Variants in HRC observed in about 807,000 individuals in gnomAD.
The protein encoded by HRC is histidine rich calcium binding protein.
Under a neutral mutation model 61.4 loss-of-function variants are expected in HRC, and 41 were observed. The ratio of observed to expected loss-of-function variants is 0.67; its 90% CI spans 0.52 to 0.87. The LOEUF is 0.87. HRC is among the 40% of genes least tolerant of loss of function. The pLI is 0.00. For synonymous variants in HRC, 308 were observed against 326.6 expected, an observed-to-expected ratio of 0.94 and a Z score of 0.62; for missense variants, 839 against 885.8, an observed-to-expected ratio of 0.95 and a Z score of 0.67.
rs778800866 is a variant in HRC, at chr19:49,154,880, C to T, written c.358G>A (p.Gly120Ser). The T allele has an allele frequency of 1.2e-6, 2 of 1,614,220 alleles. No homozygotes were observed. The highest frequency in any genetic ancestry group is 2.2e-5 in the South Asian group (2 of 91,078). The change falls in exon 1 of 6, where the codon GGT (glycine) becomes AGT (serine). Residue 120 changes from glycine to serine, a missense_variant. Transcript: ENST00000252825. ...DHKVGDEGVS[G>S]EEVFAEHGGQ... ...CCATGCTCTGCAAAGACCTCCTCAC[C>T]TGAGACACCCTCATCTCCGACTTTG... is the stretch of plus-strand genomic sequence containing the variant.
intron 2 of HRC, among the ~76,000 whole-genome samples, chr19:49,152,903 A>C (rs1177377913): frequency 2.0e-5 from 3 of 151,732 alleles, no homozygotes; most frequent in African/African-American, 7.3e-5. Flanking sequence ...GGGCGACCCC[A>C]TGTCTCCCTG....
Position 49,152,009 on chromosome 19 carries a change from G to C in HRC, c.2021C>G (p.Ala674Gly), listed in dbSNP as rs750740175. 1 of 1,614,184 alleles carries C rather than the reference G, an allele frequency of 6.2e-7. No homozygotes were observed. Residue 674 changes from alanine (A) to glycine (G), a missense_variant, in exon 4 of 6, where the codon GCT becomes GGT. Physicochemically the swap from Ala to Gly is moderately conservative, Grantham distance 60. Coordinates refer to ENST00000252825, the MANE Select transcript of HRC (RefSeq NM_002152.3). ...AGGGCCCCGCCCATGCTCACCTGGA[G>C]CGCAGACCGTTTCGCAGACCAGCGG... ...LCPLVCETVC[A>G]PGSYVDYFSS...
At chr19:49,152,124 C>A in intron 3 of HRC, 66 bp from the exon 4 acceptor site, 2 of 1,458,768 alleles carry the variant, frequency 1.4e-6, no homozygotes, top group South Asian at 1.1e-5. Context: ...TAGGATGGGG[C>A]CGGGACCAGA....
intron 4 of HRC, 31 bp from the exon 5 acceptor site, chr19:49,151,584 G>A (rs778001369): frequency 5.6e-6 from 9 of 1,611,316 alleles, no homozygotes; most frequent in African/African-American, 1.3e-5. Flanking sequence ...GAGGCTTGAG[G>A]GGTACTGCAC....
In HRC at chr19:49,153,822, C is replaced by T; in HGVS notation, c.1416G>A (p.Lys472=). Residue 472 remains lysine, a synonymous_variant, in exon 1 of 6, where the codon AAG becomes AAA. Transcript: ENST00000252825. This position sits in a 1 kb window ranked among gnomAD's most constrained non-coding sequence, Gnocchi z 4.8. The part of the protein sequence containing the change: ...SHHPPGHTVV[K]DRSHLRKDDS... The stretch of plus-strand genomic sequence containing the variant: ...CATCCTTCCTCAAATGGCTTCTATC[C>T]TTGACCACTGTGTGTCCTGGGGGGT... 1 of 1,614,134 alleles carries T rather than the reference C, an allele frequency of 6.2e-7. No homozygotes were observed. The highest frequency in any genetic ancestry group is 8.5e-7 in the Non-Finnish European group (1 of 1,180,032).
intron 3 of HRC, 75 bp from the exon 4 acceptor site, chr19:49,152,133 G>C (rs550246549): frequency 3.2e-5 from 45 of 1,406,440 alleles, no homozygotes; most frequent in Non-Finnish European, 4.1e-5. Flanking sequence ...GCCGGGACCA[G>C]ACCCGGACCA....
chr19:49,152,453 G>A (rs1217301791), intron 2 of HRC, 75 bp from the exon 3 acceptor site: 5 of 1,250,102 alleles, frequency 4.0e-6, no homozygotes, highest in East Asian at 4.7e-5. Context: ...GCCCACCCCT[G>A]CACCCTGGAC....
rs557094516 is a variant in HRC, at chr19:49,155,066, G to A, written c.172C>T (p.Arg58Cys). The change falls in exon 1 of 6, where the codon CGC becomes TGC. Residue 58 changes from arginine (R) to cysteine (C), a missense_variant. Arg to Cys is a radical substitution (Grantham distance 180). Transcript: ENST00000252825. The surrounding 1 kb of genome is among the most constrained non-coding windows in gnomAD (Gnocchi z 4.7). Reference protein sequence around the residue: ...GLSEEASAELRHHLHSPRDHP... With the variant: ...GLSEEASAELCHHLHSPRDHP... Reference sequence around the variant, plus strand: ...TCTCTAGGGCTGTGGAGGTGGTGGCGAAGCTCTGCTGATGCCTCCTCGGAG... The same window carrying A: ...TCTCTAGGGCTGTGGAGGTGGTGGCAAAGCTCTGCTGATGCCTCCTCGGAG... The A allele has an allele frequency of 2.5e-5, 41 of 1,614,182 alleles. No homozygotes were observed. The highest frequency in any genetic ancestry group is 1.3e-4 in the African/African-American group (10 of 75,060).
At position 49,155,072 on chromosome 19, in the gene HRC, C is replaced by G. The variant is rs756364611; in HGVS notation, c.166G>C (p.Glu56Gln). The change falls in exon 1 of 6, where the codon GAG (glutamate) becomes CAG (glutamine). Residue 56 changes from glutamate to glutamine, a missense_variant. By Grantham distance (29) the Glu-to-Gln change is conservative. Transcript: ENST00000252825. The surrounding 1 kb of genome is among the most constrained non-coding windows in gnomAD (Gnocchi z 4.7). The part of the protein sequence containing the change: ...VAGLSEEASA[E>Q]LRHHLHSPRD... Reference sequence around the variant, plus strand: ...GGGCTGTGGAGGTGGTGGCGAAGCTCTGCTGATGCCTCCTCGGAGAGCCCG... The same window carrying G: ...GGGCTGTGGAGGTGGTGGCGAAGCTGTGCTGATGCCTCCTCGGAGAGCCCG... 44 of 1,614,232 alleles carry G rather than the reference C, an allele frequency of 2.7e-5. No homozygotes were observed. The highest frequency in any genetic ancestry group is 3.6e-5 in the Non-Finnish European group (42 of 1,180,052).
chr19:49,151,625 G>T, intron 4 of HRC, 72 bp from the exon 5 acceptor site: 1 of 1,351,614 alleles, frequency 7.4e-7, no homozygotes, highest in Non-Finnish European at 1.1e-6. Flanking sequence ...TCAGTATAGC[G>T]TGCGAGATTA....
chr19:49,154,080 C>T lies in HRC; in HGVS notation c.1158G>A (p.Gln386=), dbSNP rs752194946. 6.2e-7 allele frequency: 1 copy of T among 1,614,200 alleles called. No homozygotes were observed. The highest frequency in any genetic ancestry group is 1.1e-5 in the South Asian group (1 of 91,080). ...EEEEEEEITV[Q]FGHYVASHQP... ...GGTGGCTTGCAACATAGTGGCCGAACTGGACTGTGATCTCCTCTTCTTCCT... is the reference window on the plus strand; with the variant it reads ...GGTGGCTTGCAACATAGTGGCCGAATTGGACTGTGATCTCCTCTTCTTCCT... The change falls in exon 1 of 6, where the codon CAG becomes CAA. Residue 386 remains glutamine (Q), a synonymous_variant. Transcript: ENST00000252825.
At chr19:49,152,254 G>A in intron 3 of HRC, 56 bp downstream of exon 3, 2 of 1,503,066 alleles carry the variant, frequency 1.3e-6, no homozygotes, top group Non-Finnish European at 9.2e-7. Context: ...GGTCCTCAGA[G>A]GGTCCCGGTG....
chr19:49,153,669 C>A lies in HRC; in HGVS notation c.1569G>T (p.Glu523Asp). The A allele has an allele frequency of 6.2e-7, 1 of 1,603,624 alleles. No individual in the cohort carries two copies. The highest frequency in any genetic ancestry group is 8.5e-7 in the Non-Finnish European group (1 of 1,171,342). Reference protein sequence around the residue: ...SRDQEDEEDEEEGHGLSLNQE... With the variant: ...SRDQEDEEDEDEGHGLSLNQE... Reference sequence around the variant, plus strand: ...GGTTCAGGCTGAGGCCATGACCTTCCTCCTCATCCTCCTCATCTTCCTGGT... The same window carrying A: ...GGTTCAGGCTGAGGCCATGACCTTCATCCTCATCCTCCTCATCTTCCTGGT... Residue 523 changes from glutamate (E) to aspartate (D), a missense_variant, in exon 1 of 6, where the codon GAG becomes GAT. Physicochemically the swap from Glu to Asp is conservative, Grantham distance 45. Coordinates refer to ENST00000252825, the MANE Select transcript of HRC (RefSeq NM_002152.3). The surrounding 1 kb of genome is among the most constrained non-coding windows in gnomAD (Gnocchi z 4.8).
Position 49,155,138 on chromosome 19 carries a change from C to T in HRC, c.100G>A (p.Gly34Arg), listed in dbSNP as rs1236079103. ...TTGTTCCGGTTTCTGAAGCCTAGCC[C>T]ATCCCCTCTGAGCTGCTGGGTCATG... is the stretch of plus-strand genomic sequence containing the variant. ...PAMTQQLRGD[G>R]LGFRNRNNST... Residue 34 changes from glycine to arginine, a missense_variant, in exon 1 of 6, where the codon GGG becomes AGG. Physicochemically the swap from Gly to Arg is moderately radical, Grantham distance 125. Coordinates refer to ENST00000252825, the MANE Select transcript of HRC (RefSeq NM_002152.3). This position sits in a 1 kb window ranked among gnomAD's most constrained non-coding sequence, Gnocchi z 4.7. The T allele has an allele frequency of 6.2e-7, 1 of 1,614,002 alleles. No homozygotes were observed. Among genetic ancestry groups the T allele is most frequent in the Admixed American group, 1.7e-5 (1 of 60,020 alleles).
At position 49,151,984 on chromosome 19, in the gene HRC, A is replaced by C; in HGVS notation, c.2026+20T>G. The C allele has an allele frequency of 6.2e-7, 1 of 1,612,812 alleles. No individual in the cohort carries two copies. On this transcript the variant is annotated intron_variant, in intron 4 of 5. Transcript: ENST00000252825. Reference sequence around the variant, plus strand: ...CCCGGCACCTTCCTCAGGTTTTTCCAGGGCCCCGCCCATGCTCACCTGGAG... The same window carrying C: ...CCCGGCACCTTCCTCAGGTTTTTCCCGGGCCCCGCCCATGCTCACCTGGAG...
chr19:49,153,624 T>G lies in HRC; in HGVS notation c.1614A>C (p.Glu538Asp). The change falls in exon 1 of 6, where the codon GAA becomes GAC. Residue 538 changes from glutamate to aspartate, a missense_variant. Coordinates refer to ENST00000252825, the MANE Select transcript of HRC (RefSeq NM_002152.3). This position sits in a 1 kb window ranked among gnomAD's most constrained non-coding sequence, Gnocchi z 4.8. ...CTTCCTCCTCCTCCTCCTCCTTGTC[T>G]TCCTCTTCTTCCTCCTCCTGGTTCA... The part of the protein sequence containing the change: ...LSLNQEEEEE[E>D]DKEEEEEEED... 1.3e-6 allele frequency: 2 copies of G among 1,538,712 alleles called. No homozygotes were observed. The highest frequency in any genetic ancestry group is 1.8e-6 in the Non-Finnish European group (2 of 1,114,988).
intron 4 of HRC, 48 bp downstream of exon 4, chr19:49,151,956 G>A (rs776150243): frequency 3.8e-6 from 6 of 1,583,180 alleles, no homozygotes; most frequent in African/African-American, 1.3e-5. Context: ...TCACCACGCT[G>A]GGCCCGGCAC....
chr19:49,154,724 C>T lies in HRC; in HGVS notation c.514G>A (p.Glu172Lys). ...DEDEDEVVSS[E>K]HHHHILRHGH... ...TGCCTGAGGATATGATGGTGATGCT[C>T]ACTGGACACAACTTCATCCTCATCC... Residue 172 changes from glutamate to lysine, a missense_variant, in exon 1 of 6, where the codon GAG becomes AAG. By Grantham distance (56) the Glu-to-Lys change is moderately conservative. Transcript: ENST00000252825. The T allele has an allele frequency of 6.2e-7, 1 of 1,614,058 alleles. No individual in the cohort carries two copies. The highest frequency in any genetic ancestry group is 8.5e-7 in the Non-Finnish European group (1 of 1,180,004).
chr19:49,151,828 A>T lies in HRC; in HGVS notation c.2026+176T>A, dbSNP rs2041362373. 4.4e-6 allele frequency: 3 copies of T among 678,992 alleles called. No homozygotes were observed. In the East Asian group the frequency reaches 8.1e-5, roughly 18 times the overall value. 42.1% of individuals were successfully genotyped at this position (678,992 alleles called of 1,614,324 possible). A position where few individuals can be genotyped will look rare whatever the true frequency, so the allele number is the denominator to read the frequency against. On this transcript the variant is annotated intron_variant, in intron 4 of 5. Coordinates refer to ENST00000252825, the MANE Select transcript of HRC (RefSeq NM_002152.3). ...TCATTTCTGTCCCTTGGCTCCAGCA[A>T]CTCCACCTGGTGTTCCTCGAGCCAG... is the stretch of plus-strand genomic sequence containing the variant.
Sources: allele counts gnomAD v4.1 joint callset (sites outside exome capture counted in the v4.1 genomes callset), GRCh38; gene constraint gnomAD v4.1.1; non-coding constraint Gnocchi (gnomAD v3.1); transcripts MANE v1.5; gene names NCBI Gene and HGNC (gene_info 2026-07-23, HGNC 2026-07-21).